Variants in MET observed in about 807,000 individuals in gnomAD.
MET encodes hepatocyte growth factor receptor.
MET carries 48 observed loss-of-function variants against 133.1 expected under a neutral mutation model. That is an observed-to-expected ratio of 0.36 (90% CI 0.29 to 0.46). The LOEUF is 0.46. MET is among the 20% of genes least tolerant of loss of function. MET has a pLI of 1.00. For missense variants in MET, 1,442 were observed against 1,695.9 expected (o/e 0.85, Z 2.63); for synonymous variants, 628 against 616.5 (o/e 1.02, Z -0.28).
Position 116,797,390 on chromosome 7 carries a change from T to G in MET, c.*1266T>G, listed in dbSNP as rs1240041843. On this transcript the variant is annotated 3_prime_UTR_variant, in exon 21 of 21. Coordinates refer to ENST00000397752, the MANE Select transcript of MET (RefSeq NM_000245.4). Reference sequence around the variant, plus strand: ...CTCGCAAGCAATTGGAAACAAAACTTTTGGGGAGTTTTATTTTGCATTAGG... The same window carrying G: ...CTCGCAAGCAATTGGAAACAAAACTGTTGGGGAGTTTTATTTTGCATTAGG... 1 of 227,412 alleles carries G rather than the reference T, an allele frequency of 4.4e-6. No individual in the cohort carries two copies. The highest frequency in any genetic ancestry group is 8.7e-6 in the Non-Finnish European group (1 of 114,546). 14.1% of individuals were successfully genotyped at this position (227,412 alleles called of 1,614,324 possible).
intron 3 of MET, among the ~76,000 whole-genome samples, chr7:116,736,213 T>C (rs539881126): frequency 1.2e-3 from 180 of 152,240 alleles, no homozygotes; most frequent in South Asian, 1.0e-2. Flanking sequence ...ATATGAAATA[T>C]CTAGAATAGG....
intron 5 of MET, among the ~76,000 whole-genome samples, chr7:116,746,421 C>A (rs1793688338): frequency 6.6e-6 from 1 of 152,158 alleles, no homozygotes; most frequent in Non-Finnish European, 1.5e-5. Context: ...CCAGCTGTCC[C>A]ATTACTGGGT....
At position 116,796,515 on chromosome 7, in the gene MET, C is replaced by T. The variant is rs1795684296; in HGVS notation, c.*391C>T. The T allele has an allele frequency of 2.8e-6, 1 of 360,192 alleles. No homozygotes were observed. The highest frequency in any genetic ancestry group is 4.4e-5 in the Admixed American group (1 of 22,748). The allele number at this position is 360,192 out of a possible 1,614,324, so 22.3% of individuals were successfully genotyped here. A position where few individuals can be genotyped will look rare whatever the true frequency, so the allele number is the denominator to read the frequency against. On this transcript the variant is annotated 3_prime_UTR_variant, in exon 21 of 21. Coordinates refer to ENST00000397752, the MANE Select transcript of MET (RefSeq NM_000245.4). ...TAATGCTCAGGACAGGAGCGGCAGC[C>T]CCAGAACAGGCCACTCATTTAGAAT...
rs77993315 is a variant in MET at position 116,674,755 on chromosome 7, T to C, written c.-15+2178T>C. Reference sequence around the variant, plus strand: ...CTTCCTCCTCAACCCTTTCCCTTGGTTTGGTCAGAGCTGCTTTCAAGGCCT... The same window carrying C: ...CTTCCTCCTCAACCCTTTCCCTTGGCTTGGTCAGAGCTGCTTTCAAGGCCT... On this transcript the variant is annotated intron_variant, in intron 1 of 20. Transcript: ENST00000397752. 3.6e-3 allele frequency among the ~76,000 whole-genome samples: 547 copies of C among 152,306 alleles called. 2 individuals carry two copies. The highest frequency in any genetic ancestry group is 0.012 in the African/African-American group (500 of 41,558).
intron 1 of MET, among the ~76,000 whole-genome samples, chr7:116,683,736 C>A (rs750481539): frequency 6.6e-6 from 1 of 152,296 alleles, no homozygotes; most frequent in East Asian, 1.9e-4. Context: ...TGGTTTTTAT[C>A]CCTTTTGACC....
In MET at chr7:116,754,757, C is replaced by T. The variant is rs1384428538; in HGVS notation, c.1702-598C>T. ...GCTTGAGCTCAAGAGGTTGAGGCTG[C>T]AGTGAGCCATGATCACGCCACTGCA... is the stretch of plus-strand genomic sequence containing the variant. On this transcript the variant is annotated intron_variant, in intron 5 of 20. Coordinates refer to ENST00000397752, the MANE Select transcript of MET (RefSeq NM_000245.4). Among the ~76,000 whole-genome samples, 3 of 150,768 alleles carry T rather than the reference C, an allele frequency of 2.0e-5. 1 individual carries two copies. Among genetic ancestry groups the T allele is most frequent in the Admixed American group, 2.0e-4 (3 of 15,108 alleles).
At position 116,758,589 on chromosome 7, in the gene MET, T is replaced by C. The variant is rs2116932429; in HGVS notation, c.2233T>C (p.Tyr745His). The C allele has an allele frequency of 4.3e-6, 7 of 1,613,822 alleles. No individual in the cohort carries two copies. Among genetic ancestry groups the C allele is most frequent in the Non-Finnish European group, 5.9e-6 (7 of 1,179,864 alleles). The stretch of plus-strand genomic sequence containing the variant: ...CAGTTACCGTGAAGATCCCATTGTC[T>C]ATGAAATTCATCCAACCAAATCTTT... ...IFSYREDPIV[Y>H]EIHPTKSFIS... The change falls in exon 9 of 21, where the codon TAT (tyrosine) becomes CAT (histidine). Residue 745 changes from tyrosine (Y) to histidine (H), a missense_variant. Around this residue, in one of 6 missense-constraint regions of MET, gnomAD observed 514 missense variants for 659.6 expected, o/e 0.78. Coordinates refer to ENST00000397752, the MANE Select transcript of MET (RefSeq NM_000245.4).
chr7:116,760,163 C>A (rs895136433), intron 10 of MET, among the ~76,000 whole-genome samples: 2 of 152,048 alleles, frequency 1.3e-5, no homozygotes, highest in Non-Finnish European at 2.9e-5. Flanking sequence ...GAACATGGAC[C>A]CTTTTGCTCT....
At chr7:116,784,928 T>C (rs1249842113) in intron 19 of MET, among the ~76,000 whole-genome samples, 1 of 152,120 alleles carries the variant, frequency 6.6e-6, no homozygotes, top group Non-Finnish European at 1.5e-5. Context: ...GCTTACAAGA[T>C]ACAACGGGGG....
At chr7:116,769,610 G>C (rs1487995995) in intron 11 of MET, 35 bp from the exon 12 acceptor site, 1 of 1,599,538 alleles carries the variant, frequency 6.3e-7, no homozygotes. Flanking sequence ...GAACTGTGAA[G>C]TGTTAACAAC....
At chr7:116,734,199 G>T (rs1283026928) in intron 3 of MET, among the ~76,000 whole-genome samples, 1 of 152,168 alleles carries the variant, frequency 6.6e-6, no homozygotes, top group Non-Finnish European at 1.5e-5. Flanking sequence ...ATACGATGAA[G>T]TTTCTGTTAC....
chr7:116,680,436 T>C (rs1374731264), intron 1 of MET, among the ~76,000 whole-genome samples: 1 of 152,224 alleles, frequency 6.6e-6, no homozygotes, highest in African/African-American at 2.4e-5. Context: ...AGAAAGATTT[T>C]TTATGACAAT....
In MET at chr7:116,713,902, A is replaced by G. The variant is rs574286701; in HGVS notation, c.1200+13618A>G. ...ACATAAACAGACCATGGCTCTTACC[A>G]CCTCCAAGAAGAACTACTTCTGTTT... On this transcript the variant is annotated intron_variant, in intron 2 of 20. Transcript: ENST00000397752. Among the ~76,000 whole-genome samples, 148 of 152,198 alleles carry G rather than the reference A, an allele frequency of 9.7e-4. 1 individual carries two copies. Among genetic ancestry groups the G allele is most frequent in the African/African-American group, 3.4e-3 (143 of 41,510 alleles).
chr7:116,784,543 C>T (rs973720919), intron 19 of MET, among the ~76,000 whole-genome samples: 3 of 152,072 alleles, frequency 2.0e-5, no homozygotes, highest in South Asian at 2.1e-4. Context: ...GCAGGACCAA[C>T]GGGGCTGTGG....
chr7:116,791,710 C>T (rs1311998419), intron 19 of MET, among the ~76,000 whole-genome samples: 1 of 152,112 alleles, frequency 6.6e-6, no homozygotes, highest in African/African-American at 2.4e-5. Flanking sequence ...TGTCACCCAG[C>T]CTGAAGTGCA....
At chr7:116,761,825 TAATGTA>T (rs1224927716) in intron 10 of MET, among the ~76,000 whole-genome samples, 1 of 152,162 alleles carries the variant, frequency 6.6e-6, no homozygotes, top group Admixed American at 6.5e-5. Context: ...TATACATTTT[TAATGTA>T]AGATCATTTT....
At chr7:116,704,041 A>T (rs1436456332) in intron 2 of MET, among the ~76,000 whole-genome samples, 1 of 152,094 alleles carries the variant, frequency 6.6e-6, no homozygotes, top group Non-Finnish European at 1.5e-5. Flanking sequence ...AAGTTGGATC[A>T]AGTGAAGGGG....
intron 19 of MET, among the ~76,000 whole-genome samples, chr7:116,793,771 C>T (rs914832094): frequency 3.3e-5 from 5 of 151,828 alleles, no homozygotes; most frequent in East Asian, 1.9e-4. Context: ...TGGTGGCAGG[C>T]GCCTATAATC....
chr7:116,783,579 A>C, intron 19 of MET, 110 bp downstream of exon 19: 1 of 1,078,180 alleles, frequency 9.3e-7, no homozygotes, highest in Non-Finnish European at 1.4e-6. Flanking sequence ...CACCAATTCC[A>C]GTTTTCTTCA....
Sources: allele counts gnomAD v4.1 joint callset (sites outside exome capture counted in the v4.1 genomes callset), GRCh38; gene constraint gnomAD v4.1.1; regional missense constraint gnomAD v4.1.1; transcripts MANE v1.5; gene names NCBI Gene and HGNC (gene_info 2026-07-23, HGNC 2026-07-21).